The following OCA2 variants were observed in gnomAD, a reference collection of about 807,000 sequenced individuals.
OCA2 encodes P protein.
OCA2 carries 77 observed loss-of-function variants against 100.2 expected under a neutral mutation model. The observed-to-expected ratio is 0.77, with a 90% CI of 0.64 to 0.93. The LOEUF (loss-of-function observed/expected upper bound fraction) is 0.93, where lower values mean the gene tolerates loss of function less well. OCA2 is among the 40% of genes least tolerant of loss of function. The pLI is 0.00. For synonymous variants in OCA2, 432 were observed against 439.2 expected (o/e 0.98, Z 0.21); for missense variants, 1,062 against 1,089.1 (o/e 0.98, Z 0.35).
intron 1 of OCA2, among the ~76,000 whole-genome samples, chr15:28,091,072 T>C (rs1359721241): frequency 6.6e-6 from 1 of 152,164 alleles, no homozygotes; most frequent in Non-Finnish European, 1.5e-5. Flanking sequence ...ATTTTACAAC[T>C]TTACATACAT....
At chr15:28,015,319 C>T (rs375680107) in intron 8 of OCA2, among the ~76,000 whole-genome samples, 7 of 152,178 alleles carry the variant, frequency 4.6e-5, no homozygotes, top group African/African-American at 7.2e-5. Context: ...GCACTACAGA[C>T]GAGAAGCCTG....
chr15:27,824,310 G>A (rs2034616381), intron 23 of OCA2, among the ~76,000 whole-genome samples: 1 of 152,114 alleles, frequency 6.6e-6, no homozygotes, highest in Non-Finnish European at 1.5e-5. Flanking sequence ...AGAGGTTGCA[G>A]TGAGCTGAGA....
chr15:27,719,937 C>T, the OCA2 span, among the ~76,000 whole-genome samples: 3 of 152,240 alleles, frequency 2.0e-5, no homozygotes, highest in Non-Finnish European at 2.9e-5. Flanking sequence ...ACCTTCATGG[C>T]CCCATCTAAT....
intron 23 of OCA2, among the ~76,000 whole-genome samples, chr15:27,804,382 G>C (rs1405880346): frequency 1.3e-5 from 2 of 152,182 alleles, no homozygotes; most frequent in African/African-American, 4.8e-5. Context: ...ACCATGTTTT[G>C]AGTGTTGGGT....
chr15:27,899,701 G>C (rs1407688011), intron 19 of OCA2, among the ~76,000 whole-genome samples: 2 of 152,212 alleles, frequency 1.3e-5, no homozygotes, highest in Non-Finnish European at 2.9e-5. Flanking sequence ...CAGCTGACTT[G>C]ATAGAACAGT....
intron 2 of OCA2, among the ~76,000 whole-genome samples, chr15:28,068,205 AG>A (rs2044084580): frequency 6.6e-6 from 1 of 152,004 alleles, no homozygotes. Context: ...TTTTATTTTG[AG>A]CCTGTGGGTG....
chr15:28,060,983 C>T (rs1023431548), intron 2 of OCA2, among the ~76,000 whole-genome samples: 8 of 152,210 alleles, frequency 5.3e-5, no homozygotes, highest in African/African-American at 1.9e-4. Flanking sequence ...AAACAATGAG[C>T]AGCAAGTGTT....
At chr15:28,048,217 T>C (rs1242025012) in intron 2 of OCA2, among the ~76,000 whole-genome samples, 2 of 152,192 alleles carry the variant, frequency 1.3e-5, no homozygotes, top group Non-Finnish European at 2.9e-5. Context: ...GTGCAACACC[T>C]ATCAAAATTC....
chr15:28,060,565 A>C (rs2043842310), intron 2 of OCA2, among the ~76,000 whole-genome samples: 1 of 152,218 alleles, frequency 6.6e-6, no homozygotes, highest in Non-Finnish European at 1.5e-5. Flanking sequence ...GGACGTGTAG[A>C]CATTCTCTCC....
intron 3 of OCA2, among the ~76,000 whole-genome samples, chr15:28,028,812 A>T (rs2032341429): frequency 6.6e-6 from 1 of 152,096 alleles, no homozygotes; most frequent in African/African-American, 2.4e-5. Context: ...CAGCCTCCCC[A>T]GTAGCTGGGC....
At chr15:27,720,176 G>T in the OCA2 span, among the ~76,000 whole-genome samples, 2 of 151,988 alleles carry the variant, frequency 1.3e-5, no homozygotes, top group East Asian at 1.9e-4. Context: ...GCATTCCATC[G>T]CATCCTCCTT....
chr15:27,987,318 G>GA (rs2041387273), intron 11 of OCA2, among the ~76,000 whole-genome samples: 1 of 152,150 alleles, frequency 6.6e-6, no homozygotes, highest in Non-Finnish European at 1.5e-5. Context: ...CTCAGCTAGT[G>GA]AATGTTCTGG....
At position 27,871,879 on chromosome 15, in the gene OCA2, G is replaced by T. The variant is rs1335779460; in HGVS notation, c.2123C>A (p.Thr708Asn). 3 of 1,605,778 alleles carry T rather than the reference G, an allele frequency of 1.9e-6. No individual in the cohort carries two copies. Among genetic ancestry groups the T allele is most frequent in the Admixed American group, 1.7e-5 (1 of 59,952 alleles). ...LHLIEYVGEQ[T>N]ALLIKMVPEE... Reference sequence around the variant, plus strand: ...TTATTTTACCTTTATTAGCAAAGCAGTTTGTTCTCCAACATATTCTATTAA... The same window carrying T: ...TTATTTTACCTTTATTAGCAAAGCATTTTGTTCTCCAACATATTCTATTAA... Residue 708 changes from threonine to asparagine, a missense_variant, in exon 20 of 24, where the codon ACT becomes AAT. Physicochemically the swap from Thr to Asn is moderately conservative, Grantham distance 65 (BLOSUM62 0). Transcript: ENST00000354638.
At chr15:28,039,058 G>A (rs1463604256) in intron 2 of OCA2, among the ~76,000 whole-genome samples, 2 of 151,976 alleles carry the variant, frequency 1.3e-5, no homozygotes, top group Non-Finnish European at 2.9e-5. Context: ...CGTTACAAGA[G>A]GCAAAGAAAA....
intron 23 of OCA2, among the ~76,000 whole-genome samples, chr15:27,840,212 A>G (rs2035295018): frequency 6.6e-6 from 1 of 152,152 alleles, no homozygotes; most frequent in African/African-American, 2.4e-5. Context: ...TAGGAAGGGA[A>G]TGATAAAGAA....
At chr15:28,026,920 G>A (rs781600261) in intron 4 of OCA2, among the ~76,000 whole-genome samples, 10 of 152,188 alleles carry the variant, frequency 6.6e-5, no homozygotes, top group South Asian at 2.1e-4. Context: ...GTGTAGGCCC[G>A]TGAGAGGCCA....
chr15:27,902,960 C>T (rs1385606929), intron 19 of OCA2, among the ~76,000 whole-genome samples: 2 of 152,208 alleles, frequency 1.3e-5, no homozygotes, highest in Non-Finnish European at 2.9e-5. Context: ...TCACATCCTC[C>T]ACCCCGACCT....
intron 14 of OCA2, among the ~76,000 whole-genome samples, chr15:27,980,373 C>T (rs1386615882): frequency 1.1e-4 from 17 of 152,094 alleles, no homozygotes; most frequent in African/African-American, 2.2e-4. Context: ...ATGATCCGAC[C>T]GCCTCAGCCT....
intron 9 of OCA2, among the ~76,000 whole-genome samples, chr15:27,997,146 G>A (rs1213783441): frequency 3.7e-5 from 5 of 136,604 alleles, no homozygotes; most frequent in African/African-American, 1.3e-4. Context: ...AAGGAAGAGA[G>A]AGAGAAAGAA....
Sources: gnomAD v4.1 joint callset for allele counts (sites outside exome capture counted in the v4.1 genomes callset) on GRCh38, gnomAD v4.1.1 for gene constraint, MANE v1.5 for transcripts, NCBI Gene and HGNC (gene_info 2026-07-23, HGNC 2026-07-21) for gene names.